MTHFD1L: variants seen among roughly 807,000 people sequenced by gnomAD.
MTHFD1L encodes methylenetetrahydrofolate dehydrogenase (NADP+ dependent) 1 like.
A neutral mutation model predicts 119.5 loss-of-function variants in MTHFD1L; 81 were observed. The ratio of observed to expected loss-of-function variants is 0.68; its 90% CI spans 0.57 to 0.82. The LOEUF is 0.82. Ranked by LOEUF, MTHFD1L falls within the 40% of genes least tolerant of loss-of-function variation. The pLI is 0.00. For missense variants in MTHFD1L, 1,125 were observed against 1,253.4 expected (o/e 0.90, Z 1.55); for synonymous variants, 430 against 475.2 (o/e 0.90, Z 1.24).
intron 20 of MTHFD1L, among the ~76,000 whole-genome samples, chr6:150,982,494 G>A (rs373566761): frequency 1.1e-4 from 17 of 152,236 alleles, no homozygotes; most frequent in East Asian, 9.7e-4. Context: ...ATAATGCTAC[G>A]GGGGACATTC....
chr6:150,981,805 G>A (rs1178406821), intron 20 of MTHFD1L, among the ~76,000 whole-genome samples: 3 of 152,192 alleles, frequency 2.0e-5, no homozygotes, highest in Admixed American at 6.5e-5. Context: ...TTAAAAGGTG[G>A]CCAGGCACAG....
Position 151,037,069 on chromosome 6 carries a change from C to T in MTHFD1L, c.2799C>T (p.Asp933=), listed in dbSNP as rs772567872. The change falls in exon 26 of 28, where the codon GAC becomes GAT. Residue 933 remains aspartate, a synonymous_variant. Coordinates refer to ENST00000367321, the MANE Select transcript of MTHFD1L (RefSeq NM_015440.5). The stretch of plus-strand genomic sequence containing the variant: ...GGGACTTCATCTTACCTATCAGTGA[C>T]GTCCGGGCCAGCATAGGCGCTGGGT... ...VPRDFILPIS[D]VRASIGAGFI... is the part of the protein sequence containing the mutation. The T allele has an allele frequency of 2.0e-5, 33 of 1,611,880 alleles. No homozygotes were observed. Among genetic ancestry groups the T allele is most frequent in the Admixed American group, 3.3e-5 (2 of 59,996 alleles).
At chr6:150,895,747 G>A (rs189377501) in intron 7 of MTHFD1L, among the ~76,000 whole-genome samples, 242 of 151,550 alleles carry the variant, frequency 1.6e-3, no homozygotes, top group African/African-American at 5.6e-3. Flanking sequence ...TATTATACAT[G>A]TGAAAGGATG....
intron 26 of MTHFD1L, among the ~76,000 whole-genome samples, chr6:151,064,564 C>T (rs1224802633): frequency 5.3e-5 from 8 of 152,274 alleles, no homozygotes; most frequent in African/African-American, 1.7e-4. Flanking sequence ...CCGCCTGCCT[C>T]GGCCTCCCAA....
chr6:151,042,966 A>T (rs1310815938), intron 26 of MTHFD1L, among the ~76,000 whole-genome samples: 2 of 152,238 alleles, frequency 1.3e-5, no homozygotes, highest in Non-Finnish European at 2.9e-5. Flanking sequence ...ACACACACGC[A>T]GCCTGTGGGA....
chr6:150,875,705 C>G (rs1216575050), intron 1 of MTHFD1L, among the ~76,000 whole-genome samples: 2 of 152,030 alleles, frequency 1.3e-5, no homozygotes, highest in Non-Finnish European at 2.9e-5. Context: ...TTTGCTTTCC[C>G]CATGGACCCA....
At chr6:151,060,376 G>A (rs1003230616) in intron 26 of MTHFD1L, among the ~76,000 whole-genome samples, 1 of 152,174 alleles carries the variant, frequency 6.6e-6, no homozygotes, top group Non-Finnish European at 1.5e-5. Context: ...AGGAGTGCTG[G>A]GTACTAGGCC....
chr6:150,948,652 G>GTTTTT (rs201675656), intron 15 of MTHFD1L, among the ~76,000 whole-genome samples: 41 of 148,918 alleles, frequency 2.8e-4, no homozygotes, highest in Non-Finnish European at 4.5e-4. Flanking sequence ...GTTTTGTTTT[G>GTTTTT]TTTTTGAGAT....
At chr6:151,078,180 A>G (rs1792772508) in intron 26 of MTHFD1L, among the ~76,000 whole-genome samples, 1 of 151,974 alleles carries the variant, frequency 6.6e-6, no homozygotes, top group Non-Finnish European at 1.5e-5. Flanking sequence ...TTTTCTCAAG[A>G]AGCCACTAGA....
At chr6:150,995,281 G>A (rs1160125188) in intron 20 of MTHFD1L, among the ~76,000 whole-genome samples, 6 of 152,088 alleles carry the variant, frequency 3.9e-5, no homozygotes, top group Non-Finnish European at 8.8e-5. Context: ...TTGGGAGGCC[G>A]AGGCAGGCAG....
chr6:150,866,139 G>A (rs1462341663), intron 1 of MTHFD1L, 90 bp downstream of exon 1: 33 of 1,424,442 alleles, frequency 2.3e-5, no homozygotes, highest in Non-Finnish European at 3.0e-5. Context: ...TGGGGAGCGG[G>A]GCGCGGGGCT....
chr6:150,922,790 CACG>C (rs1170191365), intron 10 of MTHFD1L, among the ~76,000 whole-genome samples: 3 of 151,738 alleles, frequency 2.0e-5, no homozygotes, highest in Admixed American at 2.0e-4. Context: ...ATTACAGGTG[CACG>C]CCACCACACC....
intron 7 of MTHFD1L, among the ~76,000 whole-genome samples, chr6:150,897,868 G>C (rs1194234131): frequency 6.6e-6 from 1 of 152,196 alleles, no homozygotes; most frequent in Non-Finnish European, 1.5e-5. Context: ...TTTTGAGACA[G>C]AGTTTTGCTC....
At chr6:150,965,099 A>G in intron 19 of MTHFD1L, 62 bp downstream of exon 19, 1 of 1,465,596 alleles carries the variant, frequency 6.8e-7, no homozygotes, top group Non-Finnish European at 9.6e-7. Flanking sequence ...CAATGTGAAC[A>G]TTTTTAGCCA....
chr6:150,999,100 G>A (rs766420247), intron 20 of MTHFD1L, among the ~76,000 whole-genome samples: 5 of 151,638 alleles, frequency 3.3e-5, no homozygotes, highest in South Asian at 2.1e-4. Flanking sequence ...AAGATATCTC[G>A]TTATGTATAT....
intron 20 of MTHFD1L, among the ~76,000 whole-genome samples, chr6:151,002,871 C>A (rs1365403205): frequency 6.6e-6 from 1 of 152,180 alleles, no homozygotes; most frequent in Admixed American, 6.5e-5. Flanking sequence ...CTATGGAGAC[C>A]TTGGGTGGAT....
chr6:151,087,020 C>A (rs1172294204), intron 26 of MTHFD1L, among the ~76,000 whole-genome samples: 3 of 152,028 alleles, frequency 2.0e-5, no homozygotes. Context: ...GAGGCCGAGG[C>A]AGACGAATCA....
At chr6:151,076,858 G>A (rs1792581888) in intron 26 of MTHFD1L, among the ~76,000 whole-genome samples, 1 of 152,058 alleles carries the variant, frequency 6.6e-6, no homozygotes, top group Admixed American at 6.6e-5. Context: ...TGCAGTATAT[G>A]TCCATGTAAA....
chr6:150,945,873 G>C (rs889544561), intron 15 of MTHFD1L, among the ~76,000 whole-genome samples: 1 of 152,268 alleles, frequency 6.6e-6, no homozygotes, highest in East Asian at 1.9e-4. Context: ...ATACATACCT[G>C]TAGTCCGAGC....
Sources: gnomAD v4.1 joint callset for allele counts (sites outside exome capture counted in the v4.1 genomes callset) on GRCh38, gnomAD v4.1.1 for gene constraint, MANE v1.5 for transcripts, NCBI Gene and HGNC (gene_info 2026-07-23, HGNC 2026-07-21) for gene names.